The following HMOX2 variants were observed in gnomAD, a reference collection of about 807,000 sequenced individuals.
HMOX2 encodes heme oxygenase (decycling) 2.
HMOX2 carries 30 observed loss-of-function variants against 33.7 expected under a neutral mutation model. The observed-to-expected ratio is 0.89, with a 90% CI of 0.67 to 1.21. The LOEUF is 1.21. Ranked by LOEUF, HMOX2 falls within the 50% of genes most tolerant of loss-of-function variation. HMOX2 has a pLI of 0.00. For synonymous variants in HMOX2, 155 were observed against 155.0 expected (o/e 1.00, Z 0.00); for missense variants, 403 against 399.1 (o/e 1.01, Z -0.08).
intron 1 of HMOX2, chr16:4,483,855 G>A: frequency 6.6e-6 from 1 of 152,082 alleles, no homozygotes; most frequent in East Asian, 1.9e-4. Context: ...CAAGTGATCT[G>A]CCCACCTCAG....
intron 2 of HMOX2, among the ~76,000 whole-genome samples, chr16:4,506,160 A>G (rs368180427): frequency 4.3e-4 from 66 of 152,328 alleles, no homozygotes; most frequent in African/African-American, 1.5e-3. Flanking sequence ...TAAAGAAGAC[A>G]GCAGAAGCCA....
At chr16:4,508,314 C>A in intron 4 of HMOX2, 110 bp downstream of exon 4, 1 of 1,295,512 alleles carries the variant, frequency 7.7e-7, no homozygotes, top group Non-Finnish European at 1.1e-6. Context: ...AGATGAGCTG[C>A]AGGGTGCCGA....
Position 4,509,752 on chromosome 16 carries a change from T to C in HMOX2, c.947T>C (p.Met316Thr), listed in dbSNP as rs2058792783. The change falls in exon 6 of 6, where the codon ATG becomes ACG. Residue 316 changes from methionine to threonine, a missense_variant. Met to Thr is a moderately conservative substitution (Grantham distance 81, BLOSUM62 -1). Transcript: ENST00000570646. Reference sequence around the variant, plus strand: ...GCTGGACTCTTGGCCTGGTACTACATGTGAAGCACCCATCATGCCACACCG... The same window carrying C: ...GCTGGACTCTTGGCCTGGTACTACACGTGAAGCACCCATCATGCCACACCG... ...LAAGLLAWYY[M>T] The C allele has an allele frequency of 1.2e-6, 2 of 1,612,518 alleles. No homozygotes were observed. Among genetic ancestry groups the C allele is most frequent in the Non-Finnish European group, 1.7e-6 (2 of 1,179,752 alleles).
rs1423738438 is a variant in HMOX2, at chr16:4,487,363, G to A, written c.-42+10876G>A. The stretch of plus-strand genomic sequence containing the variant: ...GAGATCAGGAGTTTGAGACCAGCCT[G>A]ACCTCTAAAACTACAAAATTAGCCA... On this transcript the variant is annotated intron_variant, in intron 1 of 5. Transcript: ENST00000570646. Among the ~76,000 whole-genome samples the A allele has an allele frequency of 2.0e-5, 3 of 152,234 alleles. No homozygotes were observed. The East Asian group carries it at 5.8e-4, about 29-fold the overall frequency.
At position 4,505,617 on chromosome 16, in the gene HMOX2, G is replaced by A. The variant is rs369555626; in HGVS notation, c.86+7G>A. 43 of 1,574,878 alleles carry A rather than the reference G, an allele frequency of 2.7e-5. No individual in the cohort carries two copies. The highest frequency in any genetic ancestry group is 7.0e-5 in the East Asian group (3 of 42,932). On this transcript the variant is annotated splice_region_variant and intron_variant, in intron 2 of 5. Transcript: ENST00000570646. ...AAAAGGAGAACCAAATGAGGTGAGC[G>A]ATGGGGGCTGGCTGCACTGAATCAG...
At chr16:4,501,192 G>A (rs931119909) in intron 1 of HMOX2, among the ~76,000 whole-genome samples, 2 of 151,880 alleles carry the variant, frequency 1.3e-5, no homozygotes, top group African/African-American at 2.4e-5. Context: ...AGAGAATTGA[G>A]TCACTCCATA....
intron 1 of HMOX2, chr16:4,495,712 A>G (rs915819674): frequency 1.3e-5 from 2 of 152,232 alleles, no homozygotes; most frequent in African/African-American, 4.8e-5. Flanking sequence ...GAAAGATAGA[A>G]CTGCTTAGAT....
At chr16:4,505,663 G>A in intron 2 of HMOX2, 53 bp downstream of exon 2, 1 of 1,273,076 alleles carries the variant, frequency 7.9e-7, no homozygotes, top group Non-Finnish European at 1.1e-6. Context: ...CACCTGTCGT[G>A]CTCAGCACAC....
intron 1 of HMOX2, among the ~76,000 whole-genome samples, chr16:4,477,514 A>G (rs995050461): frequency 6.6e-6 from 1 of 151,292 alleles, no homozygotes; most frequent in African/African-American, 2.4e-5. Flanking sequence ...AAAAAAAAAA[A>G]AAAAAAAAAT....
chr16:4,479,722 T>C (rs1234296296), intron 1 of HMOX2, among the ~76,000 whole-genome samples: 1 of 136,128 alleles, frequency 7.3e-6, no homozygotes, highest in East Asian at 2.1e-4. Context: ...CTTTTTCTTA[T>C]TCTATTTTTT....
At chr16:4,491,217 C>T (rs1257763167) in intron 1 of HMOX2, among the ~76,000 whole-genome samples, 1 of 152,106 alleles carries the variant, frequency 6.6e-6, no homozygotes, top group African/African-American at 2.4e-5. Context: ...ATAAGTCGCT[C>T]TAAAGAAACA....
At chr16:4,496,570 T>C (rs2058427315) in intron 1 of HMOX2, 1 of 152,246 alleles carries the variant, frequency 6.6e-6, no homozygotes, top group Non-Finnish European at 1.5e-5. Context: ...GACACTATAC[T>C]AATCTCACAT....
chr16:4,507,691 C>A (rs755657865), intron 3 of HMOX2, 22 bp from the exon 4 acceptor site: 6 of 1,603,156 alleles, frequency 3.7e-6, no homozygotes, highest in South Asian at 2.2e-5. Flanking sequence ...GCATAGCTGG[C>A]CTCCTCCTGT....
Position 4,505,622 on chromosome 16 carries a change from G to C in HMOX2, c.86+12G>C, listed in dbSNP as rs1289947200. ...GAGAACCAAATGAGGTGAGCGATGGGGGCTGGCTGCACTGAATCAGGTGGG... is the reference window on the plus strand; with the variant it reads ...GAGAACCAAATGAGGTGAGCGATGGCGGCTGGCTGCACTGAATCAGGTGGG... On this transcript the variant is annotated intron_variant, in intron 2 of 5. Coordinates refer to ENST00000570646, the MANE Select transcript of HMOX2 (RefSeq NM_002134.4). 1 of 1,567,170 alleles carries C rather than the reference G, an allele frequency of 6.4e-7. No individual in the cohort carries two copies. The highest frequency in any genetic ancestry group is 2.3e-5 in the East Asian group (1 of 42,694).
upstream of HMOX2, among the ~76,000 whole-genome samples, chr16:4,475,443 G>T (rs1668496097): frequency 6.6e-6 from 1 of 151,646 alleles, no homozygotes; most frequent in Admixed American, 6.6e-5. Context: ...GAGTAGCTGG[G>T]ATTACAGGCA....
chr16:4,508,124 A>G lies in HMOX2; in HGVS notation c.616A>G (p.Met206Val), dbSNP rs1182131087. 1 of 1,614,046 alleles carries G rather than the reference A, an allele frequency of 6.2e-7. No homozygotes were observed. The highest frequency in any genetic ancestry group is 1.3e-5 in the African/African-American group (1 of 74,920). Residue 206 changes from methionine to valine, a missense_variant, in exon 4 of 6, where the codon ATG (methionine) becomes GTG (valine). By Grantham distance (21) the Met-to-Val change is conservative. Coordinates refer to ENST00000570646, the MANE Select transcript of HMOX2 (RefSeq NM_002134.4). ...GTTCAAGCAGCTCTACCGGGCCAGG[A>G]TGAACGCCCTGGACCTGAACATGAA... ...QQFKQLYRAR[M>V]NALDLNMKTK...
At position 4,508,628 on chromosome 16, in the gene HMOX2, C is replaced by G. The variant is rs193220425; in HGVS notation, c.696+424C>G. 3.9e-5 allele frequency among the ~76,000 whole-genome samples: 6 copies of G among 152,268 alleles called. No individual in the cohort carries two copies. The East Asian group carries it at 1.2e-3, about 29-fold the overall frequency. On this transcript the variant is annotated intron_variant, in intron 4 of 5. Transcript: ENST00000570646. ...GTTTACAAGTAGCCTTTAGATGAGG[C>G]TGAACCTGGGGAAGCTTACTCTGTC...
rs1367775114 is a variant in HMOX2 at position 4,476,471 on chromosome 16, A to G, written c.-58A>G. The G allele has an allele frequency of 2.0e-5, 3 of 152,260 alleles. No homozygotes were observed. Among genetic ancestry groups the G allele is most frequent in the Non-Finnish European group, 4.4e-5 (3 of 68,052 alleles). 9.4% of individuals were successfully genotyped at this position (152,260 alleles called of 1,614,324 possible). On this transcript the variant is annotated 5_prime_UTR_variant, in exon 1 of 6. Transcript: ENST00000570646. Reference sequence around the variant, plus strand: ...CTGACTGGAGGCTGGCGGACAGGCGACAGCGACCTGCGGCAGGTGAGCTGT... The same window carrying G: ...CTGACTGGAGGCTGGCGGACAGGCGGCAGCGACCTGCGGCAGGTGAGCTGT...
intron 1 of HMOX2, among the ~76,000 whole-genome samples, chr16:4,485,256 A>G (rs2058138639): frequency 6.6e-6 from 1 of 152,132 alleles, no homozygotes; most frequent in African/African-American, 2.4e-5. Flanking sequence ...GTGAGCCACC[A>G]TGTCAGGCCT....
Sources: allele counts gnomAD v4.1 joint callset (sites outside exome capture counted in the v4.1 genomes callset), GRCh38; gene constraint gnomAD v4.1.1; transcripts MANE v1.5; gene names NCBI Gene and HGNC (gene_info 2026-07-23, HGNC 2026-07-21).